The following PRSS21 variants were observed in gnomAD, a reference collection of about 807,000 sequenced individuals.
The protein encoded by PRSS21 is testisin.
In PRSS21, 40 loss-of-function variants were observed where a neutral mutation model predicts 31.1. The observed-to-expected ratio is 1.29, with a 90% CI of 1.00 to 1.68. PRSS21 has a LOEUF of 1.68. PRSS21 is among the 40% of genes most tolerant of loss of function. The pLI, the probability that PRSS21 is intolerant of heterozygous loss-of-function variation, is 0.00. For synonymous variants in PRSS21, 186 were observed against 167.7 expected, an observed-to-expected ratio of 1.11 and a Z score of -0.84; for missense variants, 467 against 412.6, an observed-to-expected ratio of 1.13 and a Z score of -1.14.
At chr16:2,818,296 G>A (rs558900828) in intron 3 of PRSS21, among the ~76,000 whole-genome samples, 6 of 152,292 alleles carry the variant, frequency 3.9e-5, no homozygotes, top group Admixed American at 1.3e-4. Flanking sequence ...CCTGGTGGAC[G>A]GTGCGGTACA....
chr16:2,817,938 G>A lies in PRSS21; in HGVS notation c.229G>A (p.Ala77Thr), dbSNP rs2069107531. The A allele has an allele frequency of 1.3e-6, 2 of 1,549,234 alleles. No homozygotes were observed. Among genetic ancestry groups the A allele is most frequent in the East Asian group, 2.4e-5 (1 of 40,924 alleles). The change falls in exon 3 of 6, where the codon GCA becomes ACA. Residue 77 changes from alanine to threonine, a missense_variant. By Grantham distance (58) the Ala-to-Thr change is moderately conservative (BLOSUM62 0). Coordinates refer to ENST00000005995, the MANE Select transcript of PRSS21 (RefSeq NM_006799.4). This position sits in a 1 kb window ranked among gnomAD's most constrained non-coding sequence, Gnocchi z 4.2. ...AGTGAGCCTGCTCAGCCACCGCTGG[G>A]CACTCACGGCGGCGCACTGCTTTGA... ...CGVSLLSHRW[A>T]LTAAHCFETY... is the part of the protein sequence containing the mutation.
intron 4 of PRSS21, among the ~76,000 whole-genome samples, chr16:2,820,384 T>G (rs1211074439): frequency 6.6e-6 from 1 of 152,140 alleles, no homozygotes; most frequent in African/African-American, 2.4e-5. Context: ...ATTGGACAGG[T>G]GTGGGCTCCT....
Position 2,821,358 on chromosome 16 carries a change from C to T in PRSS21, c.706-8C>T, listed in dbSNP as rs1446246290. 9.9e-6 allele frequency: 16 copies of T among 1,613,762 alleles called. No individual in the cohort carries two copies. The highest frequency in any genetic ancestry group is 1.3e-5 in the African/African-American group (1 of 74,954). ...CCCCAGGCTGACCTCAGCCCCGCTG[C>T]TCCCCAGGGTGACTCAGGTGGACCC... On this transcript the variant is annotated splice_polypyrimidine_tract_variant and splice_region_variant and intron_variant, in intron 5 of 5. Transcript: ENST00000005995.
Position 2,817,794 on chromosome 16 carries a change from A to T in PRSS21, c.92-7A>T. The T allele has an allele frequency of 6.5e-7, 1 of 1,548,114 alleles. No individual in the cohort carries two copies. The highest frequency in any genetic ancestry group is 8.7e-7 in the Non-Finnish European group (1 of 1,145,832). On this transcript the variant is annotated splice_region_variant and splice_polypyrimidine_tract_variant and intron_variant, in intron 2 of 5. Coordinates refer to ENST00000005995, the MANE Select transcript of PRSS21 (RefSeq NM_006799.4). This position sits in a 1 kb window ranked among gnomAD's most constrained non-coding sequence, Gnocchi z 4.2. The stretch of plus-strand genomic sequence containing the variant: ...CCGCGGCTCAGCAGTTCCTCTGACC[A>T]TCCGAGGACCATGCGGCCGACGGGT...
At chr16:2,820,158 A>C (rs2069146519) in intron 4 of PRSS21, among the ~76,000 whole-genome samples, 1 of 152,146 alleles carries the variant, frequency 6.6e-6, no homozygotes, top group South Asian at 2.1e-4. Flanking sequence ...GCGGGCTGGG[A>C]GGCCTTGGGC....
At chr16:2,818,004 C>A in intron 3 of PRSS21, 38 bp downstream of exon 3, 1 of 1,531,068 alleles carries the variant, frequency 6.5e-7, no homozygotes, top group South Asian at 1.2e-5. Context: ...CGGGGACGGG[C>A]AGGAACAGGG....
At position 2,818,787 on chromosome 16, in the gene PRSS21, A is replaced by G. The variant is rs764100293; in HGVS notation, c.368A>G (p.Asn123Ser). The G allele has an allele frequency of 6.8e-6, 11 of 1,613,532 alleles. No individual in the cohort carries two copies. The highest frequency in any genetic ancestry group is 4.4e-5 in the South Asian group (4 of 91,066). The change falls in exon 4 of 6, where the codon AAT (asparagine) becomes AGT (serine). Residue 123 changes from asparagine (N) to serine (S), a missense_variant. Coordinates refer to ENST00000005995, the MANE Select transcript of PRSS21 (RefSeq NM_006799.4). ...TACTACACCCGTTACTTCGTATCGA[A>G]TATCTATCTGAGCCCTCGCTACCTG... ...QAYYTRYFVS[N>S]IYLSPRYLGN...
Position 2,821,014 on chromosome 16 carries a change from T to A in PRSS21, c.610T>A (p.Cys204Ser), listed in dbSNP as rs1199853677. The A allele has an allele frequency of 6.2e-7, 1 of 1,614,128 alleles. No individual in the cohort carries two copies. Among genetic ancestry groups the A allele is most frequent in the Non-Finnish European group, 8.5e-7 (1 of 1,179,988 alleles). Residue 204 changes from cysteine to serine, a missense_variant, in exon 5 of 6, where the codon TGC becomes AGC. By Grantham distance (112) the Cys-to-Ser change is moderately radical. Coordinates refer to ENST00000005995, the MANE Select transcript of PRSS21 (RefSeq NM_006799.4). ...GGTCGCCATCATAAACAACTCTATG[T>A]GCAACCACCTCTTCCTCAAGTACAG... ...VQVAIINNSM[C>S]NHLFLKYSFR... is the part of the protein sequence containing the mutation.
chr16:2,817,583 G>T lies in PRSS21; in HGVS notation c.91+127G>T. On this transcript the variant is annotated intron_variant, in intron 2 of 5. Coordinates refer to ENST00000005995, the MANE Select transcript of PRSS21 (RefSeq NM_006799.4). The surrounding 1 kb of genome is among the most constrained non-coding windows in gnomAD (Gnocchi z 4.2). ...CGCCCCCGGGATCGAGAACTCTGTT[G>T]GCGTGGAAAGTAACTAACGGACGCT... 1 of 1,399,742 alleles carries T rather than the reference G, an allele frequency of 7.1e-7. No individual in the cohort carries two copies. The highest frequency in any genetic ancestry group is 9.5e-7 in the Non-Finnish European group (1 of 1,053,038). 86.7% of individuals were successfully genotyped at this position (1,399,742 alleles called of 1,614,324 possible).
intron 4 of PRSS21, 54 bp from the exon 5 acceptor site, chr16:2,820,883 GCAGCCTATGCCATCCCTC>G (rs2069160256): frequency 6.6e-7 from 1 of 1,516,120 alleles, no homozygotes; most frequent in Admixed American, 1.7e-5. Context: ...CCCCACCCCC[GCAGCCTATGCCATCCCTC>G]CATAGAGGGG....
rs1428144472 is a variant in PRSS21 at position 2,821,346 on chromosome 16, T to G, written c.706-20T>G. 2.4e-5 allele frequency: 39 copies of G among 1,613,178 alleles called. No homozygotes were observed. Among genetic ancestry groups the G allele is most frequent in the Non-Finnish European group, 3.3e-5 (39 of 1,179,448 alleles). On this transcript the variant is annotated intron_variant, in intron 5 of 5. Transcript: ENST00000005995. Reference sequence around the variant, plus strand: ...CCACTCACTCTGCCCCAGGCTGACCTCAGCCCCGCTGCTCCCCAGGGTGAC... The same window carrying G: ...CCACTCACTCTGCCCCAGGCTGACCGCAGCCCCGCTGCTCCCCAGGGTGAC...
Position 2,821,362 on chromosome 16 carries a change from C to T in PRSS21, c.706-4C>T. ...AGGCTGACCTCAGCCCCGCTGCTCC[C>T]CAGGGTGACTCAGGTGGACCCTTGG... On this transcript the variant is annotated splice_polypyrimidine_tract_variant and splice_region_variant and intron_variant, in intron 5 of 5. Coordinates refer to ENST00000005995, the MANE Select transcript of PRSS21 (RefSeq NM_006799.4). The T allele has an allele frequency of 1.2e-6, 2 of 1,614,062 alleles. No homozygotes were observed. The highest frequency in any genetic ancestry group is 3.3e-5 in the Admixed American group (2 of 60,022).
At chr16:2,818,009 A>G (rs1161734953) in intron 3 of PRSS21, 43 bp downstream of exon 3, 3 of 1,527,464 alleles carry the variant, frequency 2.0e-6, no homozygotes, top group African/African-American at 1.4e-5. Flanking sequence ...ACGGGCAGGA[A>G]CAGGGCTGGA....
In PRSS21 at chr16:2,821,037, C is replaced by T. The variant is rs778561377; in HGVS notation, c.633C>T (p.Tyr211=). Residue 211 remains tyrosine, a synonymous_variant, in exon 5 of 6, where the codon TAC becomes TAT. Transcript: ENST00000005995. ...NSMCNHLFLK[Y]SFRKDIFGDM... ...TGTGCAACCACCTCTTCCTCAAGTA[C>T]AGTTTCCGCAAGGACATCTTTGGAG... is the stretch of plus-strand genomic sequence containing the variant. 6.2e-7 allele frequency: 1 copy of T among 1,613,968 alleles called. No individual in the cohort carries two copies. Among genetic ancestry groups the T allele is most frequent in the South Asian group, 1.1e-5 (1 of 91,082 alleles).
chr16:2,821,230 G>A (rs1383974166), intron 5 of PRSS21, 121 bp downstream of exon 5: 49 of 1,538,878 alleles, frequency 3.2e-5, no homozygotes, highest in Middle Eastern at 2.1e-4. Flanking sequence ...ATGCAGAAAC[G>A]GAGGCTTGGC....
intron 5 of PRSS21, 29 bp from the exon 6 acceptor site, chr16:2,821,337 A>C (rs199522001): frequency 3.0e-4 from 488 of 1,612,612 alleles, no homozygotes; most frequent in Non-Finnish European, 1.7e-4. Flanking sequence ...ACTCTGCCCC[A>C]GGCTGACCTC....
intron 3 of PRSS21, 121 bp from the exon 4 acceptor site, chr16:2,818,556 A>G (rs1181051119): frequency 1.0e-6 from 1 of 999,296 alleles, no homozygotes; most frequent in Non-Finnish European, 1.5e-6. Flanking sequence ...TCTGCAGGGG[A>G]CCCTGGGTGT....
At position 2,817,688 on chromosome 16, in the gene PRSS21, G is replaced by A; in HGVS notation, c.92-113G>A. 1 of 1,400,592 alleles carries A rather than the reference G, an allele frequency of 7.1e-7. No homozygotes were observed. The highest frequency in any genetic ancestry group is 9.6e-7 in the Non-Finnish European group (1 of 1,040,804). 86.8% of individuals were successfully genotyped at this position (1,400,592 alleles called of 1,614,324 possible). ...ACTTCCTGCTGCACACACGCGAGGG[G>A]ACCCTGGGTGGGCAAAAACGTGCTT... is the stretch of plus-strand genomic sequence containing the variant. On this transcript the variant is annotated intron_variant, in intron 2 of 5. Coordinates refer to ENST00000005995, the MANE Select transcript of PRSS21 (RefSeq NM_006799.4). This position sits in a 1 kb window ranked among gnomAD's most constrained non-coding sequence, Gnocchi z 4.2.
chr16:2,819,508 A>G (rs111737073), intron 4 of PRSS21, among the ~76,000 whole-genome samples: 58 of 152,320 alleles, frequency 3.8e-4, no homozygotes, highest in African/African-American at 1.3e-3. Flanking sequence ...CCCTGAAAGA[A>G]GTGGGCCCAG....
Sources: gnomAD v4.1 joint callset for allele counts (sites outside exome capture counted in the v4.1 genomes callset) on GRCh38, gnomAD v4.1.1 for gene constraint, Gnocchi (gnomAD v3.1) non-coding constraint, MANE v1.5 for transcripts, NCBI Gene and HGNC (gene_info 2026-07-23, HGNC 2026-07-21) for gene names.